ECT2L: variants seen among roughly 807,000 people sequenced by gnomAD.
The protein encoded by ECT2L is epithelial cell transforming 2 like, also known as epithelial cell-transforming sequence 2 oncogene-like.
In ECT2L, 126 loss-of-function variants were observed where a neutral mutation model predicts 122.8. The observed-to-expected ratio is 1.03, with a 90% CI of 0.89 to 1.19. The LOEUF (loss-of-function observed/expected upper bound fraction) is 1.19, where lower values mean the gene tolerates loss of function less well. Among genes scored for constraint, ECT2L ranks in the 50% most tolerant of loss-of-function variants. The pLI is 0.00. For missense variants in ECT2L, 1,012 were observed against 1,064.1 expected (o/e 0.95, Z 0.68); for synonymous variants, 385 against 381.8 (o/e 1.01, Z -0.10).
At chr6:138,811,031 C>A (rs749658574) in intron 1 of ECT2L, among the ~76,000 whole-genome samples, 1 of 152,178 alleles carries the variant, frequency 6.6e-6, no homozygotes. Flanking sequence ...CTAATCCTCT[C>A]CCCTTGAGTG....
At chr6:138,870,139 A>T (rs1414867001) in intron 13 of ECT2L, 4 of 152,652 alleles carry the variant, frequency 2.6e-5, no homozygotes, top group African/African-American at 7.2e-5. Context: ...TCTGTATTTC[A>T]GAAGAATGTT....
rs201082126 is a variant in ECT2L, at chr6:138,832,751, G to GTT, written c.180-5592_180-5591dup. On this transcript the variant is annotated intron_variant, in intron 4 of 21. Transcript: ENST00000541398. Reference sequence around the variant, plus strand: ...TTTAGTGTCCTTGTGTTTTTTTGTTGTTTTTTTTTTAATTTATAACTTGCT... The same window carrying GTT: ...TTTAGTGTCCTTGTGTTTTTTTGTTGTTTTTTTTTTTTAATTTATAACTTGCT... 3.9e-4 allele frequency among the ~76,000 whole-genome samples: 59 copies of GTT among 149,950 alleles called. No homozygotes were observed. The Middle Eastern group carries it at 0.014, about 35-fold the overall frequency.
At position 138,865,323 on chromosome 6, in the gene ECT2L, C is replaced by A. The variant is rs913955925; in HGVS notation, c.1474+145C>A. 5.1e-6 allele frequency: 3 copies of A among 583,608 alleles called. No homozygotes were observed. The African/African-American group carries it at 5.5e-5, about 11-fold the overall frequency. The allele number at this position is 583,608 out of a possible 1,614,324, so 36.2% of individuals were successfully genotyped here. A position where few individuals can be genotyped will look rare whatever the true frequency, so the allele number is the denominator to read the frequency against. ...TTTATCTCCTAGGTTGCTCACACGG[C>A]CTTTCAAATATAACGAACAACCACT... On this transcript the variant is annotated intron_variant, in intron 12 of 21. Coordinates refer to ENST00000541398, the MANE Select transcript of ECT2L (RefSeq NM_001077706.3).
At chr6:138,895,274 T>A (rs889339987) in intron 20 of ECT2L, among the ~76,000 whole-genome samples, 1 of 152,198 alleles carries the variant, frequency 6.6e-6, no homozygotes, top group African/African-American at 2.4e-5. Flanking sequence ...TATTTATACA[T>A]ACAGTACCAA....
chr6:138,899,200 G>C (rs553285753), intron 20 of ECT2L, among the ~76,000 whole-genome samples: 2 of 151,988 alleles, frequency 1.3e-5, no homozygotes, highest in East Asian at 3.9e-4. Context: ...AAAAGGAGGG[G>C]ACCCAAGCCT....
chr6:138,851,970 C>CA (rs1352486887), intron 9 of ECT2L, among the ~76,000 whole-genome samples: 1 of 152,132 alleles, frequency 6.6e-6, no homozygotes, highest in African/African-American at 2.4e-5. Context: ...CAACTTGTTA[C>CA]AGGGCAGCCG....
intron 15 of ECT2L, among the ~76,000 whole-genome samples, chr6:138,881,969 A>C (rs925995009): frequency 1.3e-5 from 2 of 152,176 alleles, no homozygotes; most frequent in African/African-American, 4.8e-5. Context: ...AGCTAGCAGG[A>C]AGGAGGAGAG....
At chr6:138,855,919 G>A (rs953818006) in intron 10 of ECT2L, among the ~76,000 whole-genome samples, 4 of 152,148 alleles carry the variant, frequency 2.6e-5, no homozygotes, top group African/African-American at 7.2e-5. Flanking sequence ...GAATAAAGCG[G>A]GAAAAGTGGA....
chr6:138,804,054 C>A (rs1479029580), intron 1 of ECT2L, among the ~76,000 whole-genome samples: 1 of 152,176 alleles, frequency 6.6e-6, no homozygotes, highest in Non-Finnish European at 1.5e-5. Context: ...AAGTGGTTGT[C>A]CACCTTGAGT....
At chr6:138,798,158 T>C (rs1020978148) in intron 1 of ECT2L, among the ~76,000 whole-genome samples, 1 of 152,148 alleles carries the variant, frequency 6.6e-6, no homozygotes, top group Non-Finnish European at 1.5e-5. Context: ...ATCCCAAAGA[T>C]CCCTGAATCT....
intron 15 of ECT2L, among the ~76,000 whole-genome samples, chr6:138,881,978 A>G (rs946880667): frequency 4.6e-5 from 7 of 152,158 alleles, no homozygotes; most frequent in Non-Finnish European, 8.8e-5. Context: ...GAAGGAGGAG[A>G]GTCATACGCT....
intron 4 of ECT2L, among the ~76,000 whole-genome samples, chr6:138,832,757 T>G (rs527280105): frequency 7.0e-4 from 107 of 152,236 alleles, no homozygotes; most frequent in Non-Finnish European, 1.3e-3. Context: ...TGTTGTTTTT[T>G]TTTTAATTTA....
chr6:138,897,093 G>C (rs1779242201), intron 20 of ECT2L, among the ~76,000 whole-genome samples: 1 of 152,148 alleles, frequency 6.6e-6, no homozygotes, highest in Non-Finnish European at 1.5e-5. Context: ...TATAGTAGCT[G>C]TGTTCCATTT....
chr6:138,888,767 A>G (rs919113465), intron 19 of ECT2L, among the ~76,000 whole-genome samples, 176 bp from the exon 20 acceptor site: 2 of 152,218 alleles, frequency 1.3e-5, no homozygotes. Flanking sequence ...TTTCTTTGTC[A>G]ATACTGTGGT....
At chr6:138,806,511 C>CTTTTTTTTTTTTTTTTTT (rs57786220) in intron 1 of ECT2L, among the ~76,000 whole-genome samples, 1 of 89,676 alleles carries the variant, frequency 1.1e-5, no homozygotes, top group Non-Finnish European at 2.0e-5. Flanking sequence ...AAAATTCACG[C>CTTTTTTTTTTTTTTTTTT]TTTTTTTTTT....
intron 1 of ECT2L, among the ~76,000 whole-genome samples, 191 bp from the exon 2 acceptor site, chr6:138,812,647 A>G (rs1775939443): frequency 6.6e-6 from 1 of 152,150 alleles, no homozygotes; most frequent in African/African-American, 2.4e-5. Flanking sequence ...TCTATTAAAA[A>G]TACAAAAATT....
intron 5 of ECT2L, among the ~76,000 whole-genome samples, chr6:138,841,340 C>A (rs771757219): frequency 6.6e-6 from 1 of 152,222 alleles, no homozygotes; most frequent in East Asian, 1.9e-4. Flanking sequence ...TCCTTTGAGT[C>A]TCTGGGTGAT....
At chr6:138,855,066 T>C (rs895888242) in intron 10 of ECT2L, among the ~76,000 whole-genome samples, 6 of 152,012 alleles carry the variant, frequency 3.9e-5, no homozygotes, top group East Asian at 1.9e-4. Context: ...CTGTTCAACA[T>C]ATGCAAAGCA....
intron 20 of ECT2L, among the ~76,000 whole-genome samples, chr6:138,896,022 T>C (rs1338695244): frequency 6.6e-6 from 1 of 152,098 alleles, no homozygotes; most frequent in African/African-American, 2.4e-5. Flanking sequence ...GTTAAGCTTT[T>C]AGAATATATT....
Sources: allele counts gnomAD v4.1 joint callset (sites outside exome capture counted in the v4.1 genomes callset), GRCh38; gene constraint gnomAD v4.1.1; transcripts MANE v1.5; gene names NCBI Gene and HGNC (gene_info 2026-07-23, HGNC 2026-07-21).